NPAS3: variants seen among roughly 807,000 people sequenced by gnomAD.
NPAS3 encodes neuronal PAS domain protein 3, also known as neuronal PAS domain-containing protein 3.
Under a neutral mutation model 73.1 loss-of-function variants are expected in NPAS3, and 14 were observed. The ratio of observed to expected loss-of-function variants is 0.19; its 90% CI spans 0.13 to 0.30. NPAS3 has a LOEUF of 0.30. Ranked by LOEUF, NPAS3 falls within the 10% of genes least tolerant of loss-of-function variation. NPAS3 has a pLI of 1.00. For synonymous variants in NPAS3, 620 were observed against 541.5 expected, an observed-to-expected ratio of 1.14 and a Z score of -2.01; for missense variants, 1,096 against 1,250.0, an observed-to-expected ratio of 0.88 and a Z score of 1.86.
At chr14:33,069,403 C>G (rs2041402285) in intron 2 of NPAS3, among the ~76,000 whole-genome samples, 1 of 152,038 alleles carries the variant, frequency 6.6e-6, no homozygotes. Flanking sequence ...TTATTCAGTC[C>G]ACAAACTTTT....
chr14:33,722,554 C>G (rs928409020), intron 6 of NPAS3, among the ~76,000 whole-genome samples: 5 of 151,972 alleles, frequency 3.3e-5, no homozygotes, highest in African/African-American at 1.2e-4. Flanking sequence ...AATGATGAAG[C>G]CTTGTTTTAA....
intron 4 of NPAS3, among the ~76,000 whole-genome samples, chr14:33,393,584 T>C (rs1455346423): frequency 6.6e-6 from 1 of 152,168 alleles, no homozygotes; most frequent in Non-Finnish European, 1.5e-5. Context: ...GAAACTTTAA[T>C]TACTCATGTA....
At chr14:33,699,398 C>T (rs191237695) in intron 6 of NPAS3, among the ~76,000 whole-genome samples, 9 of 151,998 alleles carry the variant, frequency 5.9e-5, no homozygotes, top group Non-Finnish European at 2.9e-5. Flanking sequence ...TTTCTGAAAC[C>T]GAAGCGCACT....
chr14:33,460,272 G>T (rs1208315911), intron 4 of NPAS3, among the ~76,000 whole-genome samples: 1 of 152,152 alleles, frequency 6.6e-6, no homozygotes, highest in Non-Finnish European at 1.5e-5. Context: ...GAGATCTCTG[G>T]ATTTTAACCC....
chr14:33,687,292 AG>A (rs1213620369), intron 6 of NPAS3, among the ~76,000 whole-genome samples: 12 of 152,180 alleles, frequency 7.9e-5, no homozygotes, highest in African/African-American at 2.9e-4. Context: ...ATTGATCATG[AG>A]CTATTAATAT....
intron 4 of NPAS3, among the ~76,000 whole-genome samples, chr14:33,436,600 A>G (rs950510211): frequency 2.6e-5 from 4 of 152,208 alleles, no homozygotes; most frequent in Non-Finnish European, 5.9e-5. Context: ...CAGCATTTCA[A>G]ATATTGTCTA....
At chr14:33,234,292 T>C (rs1378316222) in intron 3 of NPAS3, among the ~76,000 whole-genome samples, 12 of 152,232 alleles carry the variant, frequency 7.9e-5, no homozygotes, top group Non-Finnish European at 1.6e-4. Context: ...AGCATCCTTA[T>C]CTAAATCAGC....
intron 4 of NPAS3, among the ~76,000 whole-genome samples, chr14:33,558,879 A>T (rs1011551384): frequency 4.1e-5 from 6 of 147,770 alleles, no homozygotes; most frequent in African/African-American, 1.5e-4. Flanking sequence ...ACTCACATTT[A>T]AAAACTTTTT....
At position 33,566,049 on chromosome 14, in the gene NPAS3, A is replaced by G. The variant is rs543896152; in HGVS notation, c.558+5839A>G. On this transcript the variant is annotated intron_variant, in intron 5 of 11. Transcript: ENST00000356141. ...AGAAAAATGCCCTTTTGAATGTGGAAGCTCTGAGGGTTTGGAGACTATTGA... is the reference window on the plus strand; with the variant it reads ...AGAAAAATGCCCTTTTGAATGTGGAGGCTCTGAGGGTTTGGAGACTATTGA... 2.1e-4 allele frequency among the ~76,000 whole-genome samples: 32 copies of G among 152,284 alleles called. No homozygotes were observed. In the East Asian group the frequency reaches 5.8e-3, roughly 28 times the overall value.
At chr14:33,561,125 G>A (rs770384767) in intron 5 of NPAS3, among the ~76,000 whole-genome samples, 6 of 152,118 alleles carry the variant, frequency 3.9e-5, no homozygotes, top group South Asian at 2.1e-4. Flanking sequence ...ATAATCTACC[G>A]CTCGTTCAGT....
chr14:33,580,086 C>CA (rs1424262155), intron 5 of NPAS3, among the ~76,000 whole-genome samples: 1 of 152,106 alleles, frequency 6.6e-6, no homozygotes, highest in African/African-American at 2.4e-5. Flanking sequence ...AAGCTACTGT[C>CA]ACAATGTTTA....
At chr14:33,074,269 G>A (rs2041583064) in intron 2 of NPAS3, among the ~76,000 whole-genome samples, 1 of 152,148 alleles carries the variant, frequency 6.6e-6, no homozygotes, top group Non-Finnish European at 1.5e-5. Flanking sequence ...ACATGTTAAT[G>A]TTATAGGATA....
chr14:33,416,018 T>C (rs945784844), intron 4 of NPAS3, among the ~76,000 whole-genome samples: 1 of 152,144 alleles, frequency 6.6e-6, no homozygotes, highest in African/African-American at 2.4e-5. Flanking sequence ...TATAAAGCTC[T>C]GAGGATGTCT....
rs528994426 is a variant in NPAS3 at position 33,471,932 on chromosome 14, C to T, written c.469-88189C>T. Among the ~76,000 whole-genome samples, 3 of 152,310 alleles carry T rather than the reference C, an allele frequency of 2.0e-5. No individual in the cohort carries two copies. The East Asian group carries it at 5.8e-4, about 29-fold the overall frequency. On this transcript the variant is annotated intron_variant, in intron 4 of 11. Transcript: ENST00000356141. ...TCAGATCAGTGGCATTGGATTCTCA[C>T]AGAAGCATAAACTCTATTGTGAACT... is the stretch of plus-strand genomic sequence containing the variant.
chr14:33,084,824 C>T (rs2041970017), intron 2 of NPAS3, among the ~76,000 whole-genome samples: 1 of 152,146 alleles, frequency 6.6e-6, no homozygotes, highest in Non-Finnish European at 1.5e-5. Context: ...TATGGGATAG[C>T]ATCTAGTAAA....
At chr14:32,938,526 G>GAGAGAGAGAGAGAGAGAC, upstream of NPAS3, among the ~76,000 whole-genome samples, 1 of 25,432 alleles carries the variant, frequency 3.9e-5, no homozygotes, top group South Asian at 1.0e-3. Context: ...AGAGAGAGAA[G>GAGAGAGAGAGAGAGAGAC]GGGGGGGAGG....
At chr14:33,109,764 T>C (rs1052702391) in intron 2 of NPAS3, among the ~76,000 whole-genome samples, 1 of 151,598 alleles carries the variant, frequency 6.6e-6, no homozygotes, top group Non-Finnish European at 1.5e-5. Flanking sequence ...CATTTTTACA[T>C]GTATACAGCC....
At chr14:33,181,792 C>A (rs888591820) in intron 2 of NPAS3, among the ~76,000 whole-genome samples, 2 of 152,158 alleles carry the variant, frequency 1.3e-5, no homozygotes, top group Non-Finnish European at 2.9e-5. Flanking sequence ...TAGCAATATG[C>A]CCCTTCCTAC....
In NPAS3 at chr14:32,966,630, C is replaced by T. The variant is rs561101938; in HGVS notation, c.50+27264C>T. 4.0e-5 allele frequency among the ~76,000 whole-genome samples: 3 copies of T among 74,980 alleles called. No homozygotes were observed. In the East Asian group the frequency reaches 6.0e-4, roughly 15 times the overall value. 49.2% of individuals were successfully genotyped at this position (74,980 alleles called of 152,430 possible). On this transcript the variant is annotated intron_variant, in intron 1 of 11. Coordinates refer to ENST00000356141, the Ensembl canonical transcript of NPAS3. ...CTAAAAATACAAAAAATTAGCCGGGCGCGGTGGCGGGCGCCTGTAGTCCCA... is the reference window on the plus strand; with the variant it reads ...CTAAAAATACAAAAAATTAGCCGGGTGCGGTGGCGGGCGCCTGTAGTCCCA...
Sources: allele counts gnomAD v4.1 joint callset (sites outside exome capture counted in the v4.1 genomes callset), GRCh38; gene constraint gnomAD v4.1.1; transcripts MANE v1.5; gene names NCBI Gene and HGNC (gene_info 2026-07-23, HGNC 2026-07-21).